RNF34: variants seen among roughly 807,000 people sequenced by gnomAD.
RNF34 encodes E3 ubiquitin-protein ligase RNF34.
A neutral mutation model predicts 37.9 loss-of-function variants in RNF34; 12 were observed. The observed-to-expected ratio is 0.32, with a 90% CI of 0.20 to 0.51. The LOEUF (loss-of-function observed/expected upper bound fraction) is 0.51. Among genes scored for constraint, RNF34 ranks in the 20% least tolerant of loss-of-function variants. RNF34 has a pLI of 0.97. For missense variants in RNF34, 362 were observed against 472.7 expected, an observed-to-expected ratio of 0.77 and a Z score of 2.17; for synonymous variants, 155 against 177.2, an observed-to-expected ratio of 0.87 and a Z score of 1.00.
intron 5 of RNF34, among the ~76,000 whole-genome samples, chr12:121,421,697 A>AT (rs1872180622): frequency 6.6e-6 from 1 of 152,180 alleles, no homozygotes; most frequent in Non-Finnish European, 1.5e-5. Flanking sequence ...TTGTAAAAAA[A>AT]ATATATATGT....
intron 1 of RNF34, among the ~76,000 whole-genome samples, chr12:121,413,633 A>G (rs1219629392): frequency 3.0e-5 from 4 of 131,628 alleles, no homozygotes; most frequent in African/African-American, 9.1e-5. Flanking sequence ...GCTGGAGTGC[A>G]GTGGTGCTAT....
chr12:121,418,646 G>C (rs1555282712), intron 3 of RNF34: 1 of 152,212 alleles, frequency 6.6e-6, no homozygotes, highest in African/African-American at 2.4e-5. Flanking sequence ...TTTAGTTCAG[G>C]AGTACGAGGC....
intron 1 of RNF34, among the ~76,000 whole-genome samples, chr12:121,413,814 A>G (rs1555281745): frequency 6.6e-6 from 1 of 151,832 alleles, no homozygotes; most frequent in East Asian, 1.9e-4. Context: ...TGATCTCGTG[A>G]TCCACCCGCC....
intron 1 of RNF34, among the ~76,000 whole-genome samples, chr12:121,411,133 G>A (rs1432226135): frequency 6.6e-6 from 1 of 152,180 alleles, no homozygotes; most frequent in Non-Finnish European, 1.5e-5. Context: ...GTCTCCCTAT[G>A]TTGCCCAGGC....
chr12:121,420,799 T>A, intron 5 of RNF34, 21 bp downstream of exon 5: 2 of 1,579,996 alleles, frequency 1.3e-6, no homozygotes, highest in Non-Finnish European at 1.7e-6. Context: ...CTTTTCATTT[T>A]TTCCCTGTAG....
At chr12:121,418,238 G>A in intron 3 of RNF34, 2 of 258,888 alleles carry the variant, frequency 7.7e-6, no homozygotes, top group Non-Finnish European at 1.5e-5. Context: ...CATTTGTAGT[G>A]TTATGTGTTA....
At chr12:121,403,721 G>A (rs1555280296) in intron 1 of RNF34, among the ~76,000 whole-genome samples, 1 of 152,076 alleles carries the variant, frequency 6.6e-6, no homozygotes, top group African/African-American at 2.4e-5. Flanking sequence ...TGTAGCATCT[G>A]AGACAATTAT....
In RNF34 at chr12:121,417,807, C is replaced by G; in HGVS notation, c.529C>G (p.Arg177Gly). 1 of 1,614,108 alleles carries G rather than the reference C, an allele frequency of 6.2e-7. No homozygotes were observed. Among genetic ancestry groups the G allele is most frequent in the Non-Finnish European group, 8.5e-7 (1 of 1,180,028 alleles). The change falls in exon 3 of 6, where the codon CGT (arginine) becomes GGT (glycine). Residue 177 changes from arginine (R) to glycine (G), a missense_variant. Arg to Gly is a moderately radical substitution (Grantham distance 125, BLOSUM62 -2). Coordinates refer to ENST00000361234, the MANE Select transcript of RNF34 (RefSeq NM_025126.4). This position sits in a 1 kb window ranked among gnomAD's most constrained non-coding sequence, Gnocchi z 5.0. Reference sequence around the variant, plus strand: ...GTCCCAGACTTCTAGCTTTTTTACACGTTCGTTTTTTTCAAACTATACAGC... The same window carrying G: ...GTCCCAGACTTCTAGCTTTTTTACAGGTTCGTTTTTTTCAAACTATACAGC... Reference protein sequence around the residue: ...SRSQTSSFFTRSFFSNYTAPS... With the variant: ...SRSQTSSFFTGSFFSNYTAPS...
chr12:121,410,123 C>T (rs1386022505), intron 1 of RNF34, among the ~76,000 whole-genome samples: 1 of 151,434 alleles, frequency 6.6e-6, no homozygotes, highest in African/African-American at 2.4e-5. Flanking sequence ...CATCGCACTC[C>T]AACCTGGGCA....
At position 121,414,875 on chromosome 12, in the gene RNF34, C is replaced by T. The variant is rs576252310; in HGVS notation, c.7-1284C>T. Among the ~76,000 whole-genome samples the T allele has an allele frequency of 5.3e-5, 8 of 152,318 alleles. No homozygotes were observed. The South Asian group carries it at 1.7e-3, about 32-fold the overall frequency. Reference sequence around the variant, plus strand: ...TCGGGAGGCCGAGGTGGGTGGATCACCTGAGGTCAGGAGTTCGAGACCAGC... The same window carrying T: ...TCGGGAGGCCGAGGTGGGTGGATCATCTGAGGTCAGGAGTTCGAGACCAGC... On this transcript the variant is annotated intron_variant, in intron 1 of 5. Coordinates refer to ENST00000361234, the MANE Select transcript of RNF34 (RefSeq NM_025126.4).
intron 1 of RNF34, among the ~76,000 whole-genome samples, chr12:121,408,978 CT>C (rs1359212280): frequency 3.4e-4 from 50 of 146,456 alleles, no homozygotes; most frequent in Admixed American, 1.1e-3. Flanking sequence ...GTGACCCTTT[CT>C]TTTTTTTTTT....
At position 121,423,583 on chromosome 12, in the gene RNF34, C is replaced by A. The variant is rs1343135290; in HGVS notation, c.*7C>A. On this transcript the variant is annotated 3_prime_UTR_variant, in exon 6 of 6. Coordinates refer to ENST00000361234, the MANE Select transcript of RNF34 (RefSeq NM_025126.4). This position sits in a 1 kb window ranked among gnomAD's most constrained non-coding sequence, Gnocchi z 4.3. ...GCACGTGTTCAAGTCCTGAAACAGG[C>A]TCCCCTCACCAGGACAGTCACCCCC... 2 of 1,610,064 alleles carry A rather than the reference C, an allele frequency of 1.2e-6. No individual in the cohort carries two copies. Among genetic ancestry groups the A allele is most frequent in the African/African-American group, 2.7e-5 (2 of 74,880 alleles).
chr12:121,417,517 A>T lies in RNF34; in HGVS notation c.239A>T (p.Asp80Val). The part of the protein sequence containing the change: ...SVFRKKHVCC[D>V]CKKDFCSVCS... The stretch of plus-strand genomic sequence containing the variant: ...TTCTTTCTTCAGCATGTTTGCTGTG[A>T]CTGCAAGAAGGATTTTTGCTCCGTT... The change falls in exon 3 of 6, where the codon GAC becomes GTC. Residue 80 changes from aspartate (D) to valine (V), a missense_variant. Physicochemically the swap from Asp to Val is radical, Grantham distance 152 (BLOSUM62 -3). Coordinates refer to ENST00000361234, the MANE Select transcript of RNF34 (RefSeq NM_025126.4). This position sits in a 1 kb window ranked among gnomAD's most constrained non-coding sequence, Gnocchi z 5.0. 1 of 1,611,998 alleles carries T rather than the reference A, an allele frequency of 6.2e-7. No individual in the cohort carries two copies. The highest frequency in any genetic ancestry group is 8.5e-7 in the Non-Finnish European group (1 of 1,178,440).
At chr12:121,421,713 A>G (rs958608190) in intron 5 of RNF34, among the ~76,000 whole-genome samples, 23 of 152,288 alleles carry the variant, frequency 1.5e-4, no homozygotes, top group Middle Eastern at 3.4e-3. Context: ...TATGTACTTA[A>G]TATTTTTAAA....
At chr12:121,403,270 C>T (rs1448389020) in intron 1 of RNF34, among the ~76,000 whole-genome samples, 2 of 151,944 alleles carry the variant, frequency 1.3e-5, no homozygotes, top group African/African-American at 4.8e-5. Context: ...GTGGCGGGCG[C>T]CTGTAGTCCC....
At chr12:121,406,567 G>A (rs918682605) in intron 1 of RNF34, among the ~76,000 whole-genome samples, 3 of 152,118 alleles carry the variant, frequency 2.0e-5, no homozygotes, top group Non-Finnish European at 2.9e-5. Flanking sequence ...GATTACAGGC[G>A]TGAGCCACCG....
At chr12:121,415,210 A>T (rs527338372) in intron 1 of RNF34, 1 of 220,668 alleles carries the variant, frequency 4.5e-6, no homozygotes, top group Admixed American at 4.2e-5. Flanking sequence ...AAATCTAGAG[A>T]GAGTTTCAGT....
chr12:121,412,921 T>C (rs1333529579), intron 1 of RNF34, among the ~76,000 whole-genome samples: 4 of 151,826 alleles, frequency 2.6e-5, no homozygotes, highest in Admixed American at 2.0e-4. Context: ...TTCACCATGT[T>C]GGCCAGGCTG....
Position 121,423,564 on chromosome 12 carries a change from G to A in RNF34, c.1107G>A (p.Val369=). 6.2e-7 allele frequency: 1 copy of A among 1,613,196 alleles called. No homozygotes were observed. The highest frequency in any genetic ancestry group is 2.2e-5 in the East Asian group (1 of 44,876). The change falls in exon 6 of 6, where the codon GTG becomes GTA. Residue 369 remains valine, a synonymous_variant. Transcript: ENST00000361234. This position sits in a 1 kb window ranked among gnomAD's most constrained non-coding sequence, Gnocchi z 4.3. ...AGTATGTGGTGCGAGCCGTGCACGT[G>A]TTCAAGTCCTGAAACAGGCTCCCCT... ...CRQYVVRAVH[V]FKS
Sources: gnomAD v4.1 joint callset for allele counts (sites outside exome capture counted in the v4.1 genomes callset) on GRCh38, gnomAD v4.1.1 for gene constraint, Gnocchi (gnomAD v3.1) non-coding constraint, MANE v1.5 for transcripts, NCBI Gene and HGNC (gene_info 2026-07-23, HGNC 2026-07-21) for gene names.